The following OR7C1 variants were observed in gnomAD, a reference collection of about 807,000 sequenced individuals.
The protein encoded by OR7C1 is olfactory receptor 7C1.
For synonymous variants in OR7C1, 152 were observed against 160.7 expected (o/e 0.95, Z 0.41); for missense variants, 324 against 383.3 (o/e 0.85, Z 1.29).
At chr19:14,799,135 A>G (rs764838596) in exon 5 of OR7C1, 52 of 1,552,034 alleles carry the variant, frequency 3.4e-5, no homozygotes, top group Admixed American at 1.6e-4. Flanking sequence ...ACATTCAAGA[A>G]CCACCAAAAG....
At chr19:14,799,966 G>A in exon 5 of OR7C1, 1 of 1,614,112 alleles carries the variant, frequency 6.2e-7, no homozygotes, top group South Asian at 1.1e-5. Context: ...AGTACATGGG[G>A]GTGTGGAGGT....
At chr19:14,817,217 A>G (rs1343494109) in intron 1 of OR7C1, among the ~76,000 whole-genome samples, 1 of 152,162 alleles carries the variant, frequency 6.6e-6, no homozygotes, top group South Asian at 2.1e-4. Context: ...TGGGAATGGA[A>G]GTTCAATTGT....
intron 1 of OR7C1, chr19:14,827,791 T>C: frequency 6.2e-7 from 1 of 1,614,188 alleles, no homozygotes; most frequent in Non-Finnish European, 8.5e-7. Context: ...AGAGCACTCA[T>C]GGTCCAGGAT....
At chr19:14,827,876 C>A (rs1308870803) in intron 1 of OR7C1, 7 of 1,614,032 alleles carry the variant, frequency 4.3e-6, no homozygotes, top group Admixed American at 3.3e-5. Flanking sequence ...TGGCCACAAA[C>A]CGGTCATAGG....
At chr19:14,828,183 TC>T (rs1344550331) in intron 1 of OR7C1, 1 of 1,613,634 alleles carries the variant, frequency 6.2e-7, no homozygotes, top group African/African-American at 1.3e-5. Context: ...CAGTCCAGGT[TC>T]TTGTGAAAAT....
At chr19:14,815,784 C>CGTGTGTGTGTGTGT (rs34655691) in intron 1 of OR7C1, among the ~76,000 whole-genome samples, 1 of 146,728 alleles carries the variant, frequency 6.8e-6, no homozygotes, top group Middle Eastern at 3.4e-3. Context: ...TGAGTTTGTG[C>CGTGTGTGTGTGTGT]GTGTGTGTGT....
chr19:14,801,874 C>T (rs2044643621), intron 2 of OR7C1, among the ~76,000 whole-genome samples: 1 of 152,174 alleles, frequency 6.6e-6, no homozygotes, highest in African/African-American at 2.4e-5. Flanking sequence ...CACAAGACAG[C>T]ACTAGGGGAA....
At position 14,799,795 on chromosome 19, in the gene OR7C1, G is replaced by C. The variant is rs769691212; in HGVS notation, c.342C>G (p.Leu114=). The change falls in exon 5 of 5, where the codon CTC becomes CTG. Residue 114 remains leucine, a synonymous_variant. Transcript: ENST00000641666. Reference sequence around the variant, plus strand: ...AGCGGTCATAGGCCATCACGGTCAAGAGTAAATTGTCCAGGCATCCAAATG... The same window carrying C: ...AGCGGTCATAGGCCATCACGGTCAACAGTAAATTGTCCAGGCATCCAAATG... 6 of 1,613,784 alleles carry C rather than the reference G, an allele frequency of 3.7e-6. No individual in the cohort carries two copies. The Admixed American group carries it at 1.0e-4, about 27-fold the overall frequency.
At chr19:14,803,045 G>A (rs1317218181) in intron 2 of OR7C1, among the ~76,000 whole-genome samples, 2 of 152,056 alleles carry the variant, frequency 1.3e-5, no homozygotes, top group African/African-American at 2.4e-5. Context: ...CGTGGCTCAC[G>A]CCTGTAATCT....
chr19:14,823,633 G>A (rs773487873), intron 1 of OR7C1, among the ~76,000 whole-genome samples: 18 of 152,132 alleles, frequency 1.2e-4, no homozygotes, highest in Middle Eastern at 3.4e-3. Context: ...CCACCCTTCT[G>A]GGTCTCCAAT....
intron 2 of OR7C1, among the ~76,000 whole-genome samples, chr19:14,801,264 G>GCACAC (rs1223298575): frequency 6.6e-6 from 1 of 152,116 alleles, no homozygotes; most frequent in African/African-American, 2.4e-5. Flanking sequence ...GCATGGAGTT[G>GCACAC]ATACTTTTCA....
At chr19:14,803,868 C>T (rs1057353671) in intron 2 of OR7C1, among the ~76,000 whole-genome samples, 1 of 151,906 alleles carries the variant, frequency 6.6e-6, no homozygotes, top group Admixed American at 6.6e-5. Flanking sequence ...TGCCACAAAG[C>T]CCAGCTAATT....
chr19:14,801,017 C>G (rs1037863542), intron 2 of OR7C1, among the ~76,000 whole-genome samples: 3 of 152,162 alleles, frequency 2.0e-5, no homozygotes, highest in Non-Finnish European at 4.4e-5. Context: ...CTCTGAACTC[C>G]TCGTGTGTGT....
Position 14,800,391 on chromosome 19 carries a change from A to C in OR7C1, c.-149T>G, listed in dbSNP as rs2044635633. The C allele has an allele frequency of 2.4e-6, 1 of 413,660 alleles. No homozygotes were observed. Among genetic ancestry groups the C allele is most frequent in the African/African-American group, 2.0e-5 (1 of 49,190 alleles). 25.6% of individuals were successfully genotyped at this position (413,660 alleles called of 1,614,324 possible). ...AGCCTGGCTTCTCAAAGTGTTGTCC[A>C]TGAACCAACAAGATCAACAAGAGTT... On this transcript the variant is annotated 5_prime_UTR_variant, in exon 4 of 5. The change abolishes an upstream ATG in the 5' untranslated region. Transcript: ENST00000641666.
chr19:14,817,162 C>CA (rs1465010636), intron 1 of OR7C1, among the ~76,000 whole-genome samples: 1 of 152,182 alleles, frequency 6.6e-6, no homozygotes, highest in African/African-American at 2.4e-5. Flanking sequence ...ATCTGAGTCC[C>CA]AGACTGGGGA....
rs187702523 is a variant in OR7C1 at position 14,811,156 on chromosome 19, G to A, written c.-622-1163C>T. On this transcript the variant is annotated intron_variant, in intron 1 of 4. Coordinates refer to ENST00000641666, the Ensembl canonical transcript of OR7C1. ...CTAATGGGCATGGCTGTTTGTATTA[G>A]CCTCCTGTGGCTGCTGTCACATGTA... Among the ~76,000 whole-genome samples the A allele has an allele frequency of 1.3e-3, 191 of 151,946 alleles. 3 individuals are homozygous for A. The highest frequency in any genetic ancestry group is 4.5e-3 in the African/African-American group (187 of 41,316).
At chr19:14,805,342 C>A (rs892919804) in intron 2 of OR7C1, among the ~76,000 whole-genome samples, 9 of 151,656 alleles carry the variant, frequency 5.9e-5, no homozygotes, top group Middle Eastern at 3.4e-3. Flanking sequence ...TAGGACCATC[C>A]CTGGAGCATC....
chr19:14,827,789 C>G (rs2044786131), intron 1 of OR7C1: 2 of 1,614,078 alleles, frequency 1.2e-6, no homozygotes, highest in Admixed American at 3.3e-5. Flanking sequence ...ACAGAGCACT[C>G]ATGGTCCAGG....
exon 5 of OR7C1, chr19:14,799,079 G>T: frequency 6.9e-7 from 1 of 1,446,664 alleles, no homozygotes; most frequent in Non-Finnish European, 9.3e-7. Flanking sequence ...GACACGATAA[G>T]ATATGGTAAT....
Sources: gnomAD v4.1 joint callset for allele counts (sites outside exome capture counted in the v4.1 genomes callset) on GRCh38, gnomAD v4.1.1 for gene constraint, MANE v1.5 for transcripts, NCBI Gene and HGNC (gene_info 2026-07-23, HGNC 2026-07-21) for gene names.